PSMD5: variants seen among roughly 807,000 people sequenced by gnomAD.
PSMD5 encodes the protein proteasome 26S subunit, non-ATPase 5.
Under a neutral mutation model 52.1 loss-of-function variants are expected in PSMD5, and 40 were observed. The ratio of observed to expected loss-of-function variants is 0.77; its 90% CI spans 0.60 to 1.00. The LOEUF is 1.00. Among genes scored for constraint, PSMD5 ranks in the 50% least tolerant of loss-of-function variants. The pLI is 0.00. For missense variants in PSMD5, 575 were observed against 605.2 expected, an observed-to-expected ratio of 0.95 and a Z score of 0.52; for synonymous variants, 211 against 226.6, an observed-to-expected ratio of 0.93 and a Z score of 0.62.
intron 7 of PSMD5, among the ~76,000 whole-genome samples, chr9:120,822,853 G>C (rs2045095351): frequency 6.6e-6 from 1 of 151,636 alleles, no homozygotes; most frequent in Non-Finnish European, 1.5e-5. Flanking sequence ...TTTTGAGATG[G>C]GGTCTCACTC....
chr9:120,838,147 G>C (rs1205277553), intron 1 of PSMD5, among the ~76,000 whole-genome samples: 3 of 152,216 alleles, frequency 2.0e-5, no homozygotes, highest in Non-Finnish European at 4.4e-5. Flanking sequence ...AGGGGTATGA[G>C]GGAGCCTCTG....
At chr9:120,839,769 A>C (rs2045220921) in intron 1 of PSMD5, among the ~76,000 whole-genome samples, 2 of 148,926 alleles carry the variant, frequency 1.3e-5, no homozygotes, top group South Asian at 4.3e-4. Flanking sequence ...CCCAGAATCC[A>C]GGTAAGAATT....
intron 1 of PSMD5, among the ~76,000 whole-genome samples, 170 bp from the exon 2 acceptor site, chr9:120,833,626 C>T (rs1214408448): frequency 6.6e-6 from 1 of 151,738 alleles, no homozygotes; most frequent in Non-Finnish European, 1.5e-5. Context: ...ATGCGCATTG[C>T]CTGTGCTGGG....
Position 120,826,460 on chromosome 9 carries a change from G to A in PSMD5, c.814+305C>T, listed in dbSNP as rs1020878689. 4 of 240,338 alleles carry A rather than the reference G, an allele frequency of 1.7e-5. No individual in the cohort carries two copies. The East Asian group carries it at 2.4e-4, about 15-fold the overall frequency. The allele number at this position is 240,338 out of a possible 1,614,324, so 14.9% of individuals were successfully genotyped here. On this transcript the variant is annotated intron_variant, in intron 6 of 9. Coordinates refer to ENST00000210313, the MANE Select transcript of PSMD5 (RefSeq NM_005047.4). ...GTGAAATTTGTGAAATGCTTTTCCC[G>A]CATTACTTGGTTGCTGTCTTTATTC...
At chr9:120,820,718 G>A (rs1324031176) in intron 9 of PSMD5, 121 bp downstream of exon 9, 1 of 938,672 alleles carries the variant, frequency 1.1e-6, no homozygotes, top group Non-Finnish European at 1.5e-6. Context: ...GGTAGCAGAA[G>A]GTAGAAACTA....
rs748840129 is a variant in PSMD5 at position 120,840,126 on chromosome 9, C to CAA, written c.173+2609_173+2610dup. On this transcript the variant is annotated intron_variant, in intron 1 of 9. Transcript: ENST00000210313. ...TGGGCAACAGAACGAGAACCCGTCT[C>CAA]AAAAAAAAAAAAAAAAAAAAAAGGG... is the stretch of plus-strand genomic sequence containing the variant. 3.3e-3 allele frequency among the ~76,000 whole-genome samples: 126 copies of CAA among 38,736 alleles called. 1 individual carries two copies. Among genetic ancestry groups the CAA allele is most frequent in the African/African-American group, 8.7e-3 (91 of 10,412 alleles). 25.4% of individuals were successfully genotyped at this position (38,736 alleles called of 152,430 possible). A position where few individuals can be genotyped will look rare whatever the true frequency, so the allele number is the denominator to read the frequency against.
At chr9:120,820,331 T>C (rs2045074720) in intron 9 of PSMD5, among the ~76,000 whole-genome samples, 2 of 152,198 alleles carry the variant, frequency 1.3e-5, no homozygotes, top group African/African-American at 2.4e-5. Context: ...ATGCAACATA[T>C]GAGAACCAAC....
intron 8 of PSMD5, 32 bp downstream of exon 8, chr9:120,821,323 C>G (rs781158721): frequency 7.4e-7 from 1 of 1,346,468 alleles, no homozygotes; most frequent in South Asian, 1.3e-5. Context: ...AAACATATCC[C>G]ACTGTCCTTC....
chr9:120,821,086 G>A (rs1041738243), intron 8 of PSMD5, 107 bp from the exon 9 acceptor site: 4 of 1,289,754 alleles, frequency 3.1e-6, no homozygotes, highest in African/African-American at 3.0e-5. Flanking sequence ...TCATTAATTT[G>A]TTGTGTGAAA....
intron 4 of PSMD5, 33 bp from the exon 5 acceptor site, chr9:120,829,241 A>G (rs772329615): frequency 1.3e-6 from 2 of 1,557,478 alleles, no homozygotes; most frequent in South Asian, 2.4e-5. Flanking sequence ...GAAAAAAGAA[A>G]AAGGTCAAAT....
At chr9:120,836,504 C>A (rs924246878) in intron 1 of PSMD5, among the ~76,000 whole-genome samples, 24 of 150,724 alleles carry the variant, frequency 1.6e-4, no homozygotes, top group Admixed American at 2.7e-4. Flanking sequence ...TCAAGTGATT[C>A]TCCTGCCTCA....
chr9:120,834,645 A>G (rs927106389), intron 1 of PSMD5, among the ~76,000 whole-genome samples: 11 of 152,244 alleles, frequency 7.2e-5, no homozygotes, highest in Admixed American at 7.2e-4. Flanking sequence ...ACTGAAACTG[A>G]AAAGATGCAC....
intron 6 of PSMD5, among the ~76,000 whole-genome samples, chr9:120,826,035 T>G (rs2045119613): frequency 6.7e-6 from 1 of 150,158 alleles, no homozygotes; most frequent in Non-Finnish European, 1.5e-5. Flanking sequence ...CACTCTGTTG[T>G]CCAGGCTGGA....
In PSMD5 at chr9:120,831,951, A is replaced by G. The variant is rs2045164363; in HGVS notation, c.319-6T>C. The G allele has an allele frequency of 1.2e-6, 2 of 1,611,428 alleles. No homozygotes were observed. The highest frequency in any genetic ancestry group is 1.3e-5 in the African/African-American group (1 of 74,968). Reference sequence around the variant, plus strand: ...TTTTCAACAATTCTTCCAATCTGAAAGAAAAACAATCAGAAACACTCTTCT... The same window carrying G: ...TTTTCAACAATTCTTCCAATCTGAAGGAAAAACAATCAGAAACACTCTTCT... On this transcript the variant is annotated splice_polypyrimidine_tract_variant and splice_region_variant and intron_variant, in intron 2 of 9. Coordinates refer to ENST00000210313, the MANE Select transcript of PSMD5 (RefSeq NM_005047.4).
chr9:120,842,107 T>C (rs2045243038), intron 1 of PSMD5: 1 of 152,524 alleles, frequency 6.6e-6, no homozygotes, highest in African/African-American at 2.4e-5. Context: ...TCTGCAGGTT[T>C]CCCCCTAAAC....
At chr9:120,821,896 T>C (rs993271539) in intron 7 of PSMD5, among the ~76,000 whole-genome samples, 2 of 152,252 alleles carry the variant, frequency 1.3e-5, no homozygotes, top group Non-Finnish European at 2.9e-5. Flanking sequence ...ATACCACATT[T>C]TGTTTATTGA....
intron 1 of PSMD5, among the ~76,000 whole-genome samples, chr9:120,838,902 G>A (rs1215079635): frequency 1.3e-5 from 2 of 152,128 alleles, no homozygotes; most frequent in East Asian, 1.9e-4. Flanking sequence ...AACAAAATGC[G>A]GTCACTGCCT....
chr9:120,829,428 C>T (rs1389073600), intron 4 of PSMD5, among the ~76,000 whole-genome samples: 1 of 152,140 alleles, frequency 6.6e-6, no homozygotes, highest in African/African-American at 2.4e-5. Context: ...GAGTCTCACT[C>T]TGTCACCTAG....
Position 120,838,444 on chromosome 9 carries a change from C to CA in PSMD5, c.173+4292dup, listed in dbSNP as rs1479403905. Reference sequence around the variant, plus strand: ...AGTAATCTTAGGACTTAAACTCTCTCAAAAAAAACTGTCAAGATTCTAACT... The same window carrying CA: ...AGTAATCTTAGGACTTAAACTCTCTCAAAAAAAAACTGTCAAGATTCTAACT... On this transcript the variant is annotated intron_variant, in intron 1 of 9. Coordinates refer to ENST00000210313, the MANE Select transcript of PSMD5 (RefSeq NM_005047.4). Among the ~76,000 whole-genome samples, 18 of 151,970 alleles carry CA rather than the reference C, an allele frequency of 1.2e-4. No individual in the cohort carries two copies. In the South Asian group the frequency reaches 3.1e-3, roughly 26 times the overall value.
Sources: allele counts gnomAD v4.1 joint callset (sites outside exome capture counted in the v4.1 genomes callset), GRCh38; gene constraint gnomAD v4.1.1; transcripts MANE v1.5; gene names NCBI Gene and HGNC (gene_info 2026-07-23, HGNC 2026-07-21).